Variants in MYLK observed in about 807,000 individuals in gnomAD.
The protein encoded by MYLK is myosin light chain kinase.
A neutral mutation model predicts 203.4 loss-of-function variants in MYLK; 106 were observed. The ratio of observed to expected loss-of-function variants is 0.52; its 90% CI spans 0.45 to 0.61. MYLK has a LOEUF of 0.61. Among genes scored for constraint, MYLK ranks in the 20% least tolerant of loss-of-function variants. MYLK has a pLI of 0.00. For missense variants in MYLK, 2,072 were observed against 2,442.3 expected (o/e 0.85, Z 3.20); for synonymous variants, 867 against 959.5 (o/e 0.90, Z 1.78).
chr3:123,819,407 A>C (rs2065847925), intron 3 of MYLK, among the ~76,000 whole-genome samples: 1 of 152,208 alleles, frequency 6.6e-6, no homozygotes, highest in African/African-American at 2.4e-5. Flanking sequence ...TCAAAGAACC[A>C]GTACAGGAAA....
chr3:123,742,051 T>G (rs2062870999), intron 5 of MYLK, among the ~76,000 whole-genome samples: 1 of 152,124 alleles, frequency 6.6e-6, no homozygotes. Context: ...CTTTCCTGCT[T>G]TTACCAGGTT....
chr3:123,879,309 C>T (rs2033364091), intron 1 of MYLK, among the ~76,000 whole-genome samples: 1 of 152,152 alleles, frequency 6.6e-6, no homozygotes, highest in Non-Finnish European at 1.5e-5. Flanking sequence ...TCAGGACAAG[C>T]ACACCTGCAT....
At chr3:123,798,574 G>A (rs2065073026) in intron 3 of MYLK, among the ~76,000 whole-genome samples, 1 of 152,152 alleles carries the variant, frequency 6.6e-6, no homozygotes, top group Admixed American at 6.5e-5. Flanking sequence ...GGCCCCAGAT[G>A]TTCTCATCAA....
At chr3:123,722,493 A>T (rs2062128426) in intron 12 of MYLK, among the ~76,000 whole-genome samples, 1 of 152,206 alleles carries the variant, frequency 6.6e-6, no homozygotes, top group South Asian at 2.1e-4. Context: ...AGATGAAGGA[A>T]AGGGAGTAAT....
chr3:123,848,529 T>A (rs1159638529), intron 2 of MYLK, among the ~76,000 whole-genome samples: 1 of 152,182 alleles, frequency 6.6e-6, no homozygotes, highest in Non-Finnish European at 1.5e-5. Flanking sequence ...AACACTATAC[T>A]TCCCTGGCTC....
chr3:123,820,611 T>TTTCCTTACTTCC (rs2065890810), intron 3 of MYLK, among the ~76,000 whole-genome samples: 1 of 136,136 alleles, frequency 7.3e-6, no homozygotes. Context: ...CAGTGATTGA[T>TTTCCTTACTTCC]TTCCTTCCTT....
At chr3:123,722,748 T>C (rs952276317) in intron 12 of MYLK, among the ~76,000 whole-genome samples, 3 of 152,198 alleles carry the variant, frequency 2.0e-5, no homozygotes, top group African/African-American at 7.2e-5. Context: ...CAGCTCCACT[T>C]AGATGTCTCC....
chr3:123,846,190 C>T (rs910657787), intron 2 of MYLK, among the ~76,000 whole-genome samples: 1 of 152,192 alleles, frequency 6.6e-6, no homozygotes, highest in Non-Finnish European at 1.5e-5. Flanking sequence ...GGAACCCTTT[C>T]TTCCCATTTC....
chr3:123,852,801 C>T (rs1181526070), intron 2 of MYLK, among the ~76,000 whole-genome samples: 1 of 152,032 alleles, frequency 6.6e-6, no homozygotes, highest in East Asian at 1.9e-4. Flanking sequence ...TAAAGTATGG[C>T]AAGACAAAGG....
chr3:123,661,557 C>T (rs1001245502), intron 23 of MYLK, among the ~76,000 whole-genome samples: 1 of 152,108 alleles, frequency 6.6e-6, no homozygotes, highest in Non-Finnish European at 1.5e-5. Context: ...TTCCCTGACC[C>T]CTTTGTACAC....
rs2062725200 is a variant in MYLK at position 123,737,650 on chromosome 3, G to T, written c.589-107C>A. On this transcript the variant is annotated intron_variant, in intron 7 of 33. Transcript: ENST00000360304. ...TGGGATAGACTCCAGGGCCTGGGCA[G>T]CAGCGTCCTCTGCTGTGGGCCCTGT... 4 of 1,450,300 alleles carry T rather than the reference G, an allele frequency of 2.8e-6. No individual in the cohort carries two copies. The Admixed American group carries it at 5.0e-5, about 18-fold the overall frequency. The allele number at this position is 1,450,300 out of a possible 1,614,324, so 89.8% of individuals were successfully genotyped here.
At chr3:123,845,254 G>A (rs79744654) in intron 2 of MYLK, among the ~76,000 whole-genome samples, 11,484 of 152,118 alleles carry the variant, frequency 0.075, 731 homozygotes, top group East Asian at 0.37. Flanking sequence ...TCTTAGGTGA[G>A]TACCAAATGA....
rs2057267252 is a variant in MYLK, at chr3:123,612,364, C to G, written c.*1741G>C. ...GTGAGCTGACTACAGTTGTAGTGTT[C>G]TCATTTACCATTCTGATGGCATAAT... On this transcript the variant is annotated 3_prime_UTR_variant, in exon 34 of 34. Transcript: ENST00000360304. 6.6e-6 allele frequency: 1 copy of G among 152,606 alleles called. No individual in the cohort carries two copies. Among genetic ancestry groups the G allele is most frequent in the South Asian group, 2.1e-4 (1 of 4,828 alleles). 9.5% of individuals were successfully genotyped at this position (152,606 alleles called of 1,614,324 possible). A position where few individuals can be genotyped will look rare whatever the true frequency, so the allele number is the denominator to read the frequency against.
At position 123,629,763 on chromosome 3, in the gene MYLK, C is replaced by T; in HGVS notation, c.4962-137G>A. Reference sequence around the variant, plus strand: ...CATGCTCTGTGGGCCTTGCACCTGCCTTTCTTCCACTTGTGGAAAGAAAAG... The same window carrying T: ...CATGCTCTGTGGGCCTTGCACCTGCTTTTCTTCCACTTGTGGAAAGAAAAG... On this transcript the variant is annotated intron_variant, in intron 29 of 33. Coordinates refer to ENST00000360304, the MANE Select transcript of MYLK (RefSeq NM_053025.4). The surrounding 1 kb of genome is among the most constrained non-coding windows in gnomAD (Gnocchi z 4.4). The T allele has an allele frequency of 1.2e-6, 1 of 832,156 alleles. No homozygotes were observed. Among genetic ancestry groups the T allele is most frequent in the Non-Finnish European group, 1.9e-6 (1 of 517,808 alleles). The allele number at this position is 832,156 out of a possible 1,614,324, so 51.5% of individuals were successfully genotyped here.
intron 23 of MYLK, among the ~76,000 whole-genome samples, chr3:123,659,096 G>A (rs1219463699): frequency 3.3e-5 from 5 of 152,140 alleles, no homozygotes; most frequent in Admixed American, 3.3e-4. Flanking sequence ...AACATTTCTG[G>A]TTTTGGCTAA....
At chr3:123,794,064 C>T (rs907909326) in intron 3 of MYLK, among the ~76,000 whole-genome samples, 3 of 152,266 alleles carry the variant, frequency 2.0e-5, no homozygotes, top group African/African-American at 4.8e-5. Context: ...GACAAACACT[C>T]CGGTTCCCAG....
In MYLK at chr3:123,833,543, G is replaced by A. The variant is rs138594451; in HGVS notation, c.-126-1873C>T. 1.6e-3 allele frequency among the ~76,000 whole-genome samples: 236 copies of A among 152,004 alleles called. 3 individuals are homozygous for A. The East Asian group carries it at 0.044, about 29-fold the overall frequency. On this transcript the variant is annotated intron_variant, in intron 2 of 33. Transcript: ENST00000360304. Reference sequence around the variant, plus strand: ...CTACCCTGCCCCATGCACACGGGAGGCCCCTGGGTGCTCTGTCATTTCCAT... The same window carrying A: ...CTACCCTGCCCCATGCACACGGGAGACCCCTGGGTGCTCTGTCATTTCCAT...
intron 2 of MYLK, among the ~76,000 whole-genome samples, chr3:123,832,512 T>C (rs997087747): frequency 2.6e-5 from 4 of 152,258 alleles, no homozygotes; most frequent in African/African-American, 9.6e-5. Flanking sequence ...ATTTGCTGTT[T>C]TTGAATGTTT....
intron 12 of MYLK, 146 bp downstream of exon 12, chr3:123,725,798 G>T (rs1348926293): frequency 5.0e-6 from 6 of 1,203,774 alleles, no homozygotes; most frequent in Non-Finnish European, 6.9e-6. Flanking sequence ...GGATCCCAGT[G>T]CCCGTGCTCT....
Sources: allele counts gnomAD v4.1 joint callset (sites outside exome capture counted in the v4.1 genomes callset), GRCh38; gene constraint gnomAD v4.1.1; non-coding constraint Gnocchi (gnomAD v3.1); transcripts MANE v1.5; gene names NCBI Gene and HGNC (gene_info 2026-07-23, HGNC 2026-07-21).